Variants in CPD observed in about 807,000 individuals in gnomAD.
The protein encoded by CPD is metallocarboxypeptidase D.
A neutral mutation model predicts 138.3 loss-of-function variants in CPD; 69 were observed. The ratio of observed to expected loss-of-function variants is 0.50; its 90% CI spans 0.41 to 0.61. The LOEUF (loss-of-function observed/expected upper bound fraction) is 0.61. CPD is among the 20% of genes least tolerant of loss of function. CPD has a pLI of 0.00. For synonymous variants in CPD, 651 were observed against 642.1 expected, an observed-to-expected ratio of 1.01 and a Z score of -0.21; for missense variants, 1,432 against 1,733.3, an observed-to-expected ratio of 0.83 and a Z score of 3.09.
chr17:30,385,512 A>G (rs919548734), intron 2 of CPD, among the ~76,000 whole-genome samples: 1 of 141,936 alleles, frequency 7.0e-6, no homozygotes, highest in Admixed American at 6.9e-5. Flanking sequence ...ATGCACACAC[A>G]CACACACACA....
At chr17:30,448,312 A>G (rs181959897) in intron 12 of CPD, among the ~76,000 whole-genome samples, 1 of 152,208 alleles carries the variant, frequency 6.6e-6, no homozygotes, top group Admixed American at 6.5e-5. Flanking sequence ...ACGTTGAACT[A>G]TGATCACACC....
intron 2 of CPD, among the ~76,000 whole-genome samples, chr17:30,389,822 C>G (rs575105825): frequency 2.6e-5 from 4 of 152,150 alleles, no homozygotes; most frequent in Admixed American, 6.5e-5. Context: ...AGCTGAATGT[C>G]GGATATGTCC....
intron 13 of CPD, 98 bp from the exon 14 acceptor site, chr17:30,451,613 T>G: frequency 5.8e-6 from 6 of 1,039,146 alleles, no homozygotes; most frequent in Non-Finnish European, 8.4e-6. Context: ...TTAAATTAAC[T>G]ATGTGTAGAA....
intron 6 of CPD, among the ~76,000 whole-genome samples, chr17:30,425,517 G>T (rs185311185): frequency 6.6e-6 from 1 of 151,978 alleles, no homozygotes; most frequent in African/African-American, 2.4e-5. Context: ...TTAGCTGGAC[G>T]TGGTGGTGCA....
chr17:30,435,309 T>C (rs1478776304), intron 8 of CPD, among the ~76,000 whole-genome samples: 2 of 151,872 alleles, frequency 1.3e-5, no homozygotes, highest in African/African-American at 4.8e-5. Context: ...GACAGACATA[T>C]AGATCAATGA....
chr17:30,380,536 T>G, intron 1 of CPD: 10 of 1,459,466 alleles, frequency 6.9e-6, no homozygotes, highest in Non-Finnish European at 9.0e-6. Context: ...TAATACACAC[T>G]TTAAGTGTTA....
intron 6 of CPD, among the ~76,000 whole-genome samples, chr17:30,426,246 G>T (rs1912405423): frequency 1.3e-5 from 2 of 150,806 alleles, no homozygotes; most frequent in East Asian, 3.9e-4. Context: ...GGTTCTTCCT[G>T]CCTGCTGCAC....
Position 30,427,577 on chromosome 17 carries a change from C to T in CPD, c.2017+19C>T, listed in dbSNP as rs572168849. On this transcript the variant is annotated intron_variant, in intron 7 of 20. Coordinates refer to ENST00000225719, the MANE Select transcript of CPD (RefSeq NM_001304.5). ...CATGGAGGTATGGCAACTTTATATTCTACTAATCAGTTCTTGTTGAGAGCA... is the reference window on the plus strand; with the variant it reads ...CATGGAGGTATGGCAACTTTATATTTTACTAATCAGTTCTTGTTGAGAGCA... The T allele has an allele frequency of 1.2e-5, 20 of 1,607,158 alleles. No homozygotes were observed. The highest frequency in any genetic ancestry group is 1.7e-5 in the Non-Finnish European group (20 of 1,174,284).
intron 6 of CPD, among the ~76,000 whole-genome samples, chr17:30,425,896 GAT>G (rs1234135419): frequency 6.6e-6 from 1 of 152,100 alleles, no homozygotes; most frequent in East Asian, 1.9e-4. Flanking sequence ...ATGTGAAAAA[GAT>G]GTGTTTTAAC....
Position 30,388,469 on chromosome 17 carries a change from G to A in CPD, c.994+3233G>A, listed in dbSNP as rs189662067. On this transcript the variant is annotated intron_variant, in intron 2 of 20. Coordinates refer to ENST00000225719, the MANE Select transcript of CPD (RefSeq NM_001304.5). ...TCCATGCTTGTCAGTGCCCAGTCCG[G>A]TGGGGGCCCAGGCAACAGGGCCCAA... Among the ~76,000 whole-genome samples the A allele has an allele frequency of 1.5e-3, 231 of 152,338 alleles. 2 individuals are homozygous for A. The highest frequency in any genetic ancestry group is 2.5e-3 in the Admixed American group (39 of 15,310).
chr17:30,444,424 T>C (rs577562001), intron 11 of CPD, among the ~76,000 whole-genome samples: 6 of 151,428 alleles, frequency 4.0e-5, no homozygotes, highest in Non-Finnish European at 8.8e-5. Context: ...ACAAAGAACA[T>C]AGAAAATGCA....
rs764901447 is a variant in CPD at position 30,464,578 on chromosome 17, T to C, written c.3917-10T>C. Reference sequence around the variant, plus strand: ...ATAATATCACCCACATGATGGTTTTTGTTTGTCAGGTGCTACTATGTCGGC... The same window carrying C: ...ATAATATCACCCACATGATGGTTTTCGTTTGTCAGGTGCTACTATGTCGGC... On this transcript the variant is annotated splice_polypyrimidine_tract_variant and intron_variant, in intron 20 of 20. Coordinates refer to ENST00000225719, the MANE Select transcript of CPD (RefSeq NM_001304.5). The C allele has an allele frequency of 3.1e-6, 5 of 1,611,208 alleles. No homozygotes were observed. In the South Asian group the frequency reaches 4.4e-5, roughly 14 times the overall value.
intron 1 of CPD, chr17:30,380,140 T>A (rs1911002127): frequency 5.7e-6 from 1 of 175,826 alleles, no homozygotes; most frequent in Middle Eastern, 2.3e-3. Context: ...GACTGCAGTA[T>A]CTCACTTTAT....
intron 14 of CPD, chr17:30,454,921 CA>C (rs1234910440): frequency 6.4e-6 from 1 of 156,458 alleles, no homozygotes; most frequent in Admixed American, 6.4e-5. Flanking sequence ...CCCCATGATT[CA>C]GTCACCTCCC....
chr17:30,392,070 C>T (rs906337466), intron 2 of CPD, among the ~76,000 whole-genome samples: 3 of 145,854 alleles, frequency 2.1e-5, no homozygotes, highest in Admixed American at 7.1e-5. Flanking sequence ...AGTGAAGTGG[C>T]GCAATCTCGG....
At chr17:30,448,737 T>G (rs1221224708) in intron 12 of CPD, among the ~76,000 whole-genome samples, 1 of 152,192 alleles carries the variant, frequency 6.6e-6, no homozygotes, top group Non-Finnish European at 1.5e-5. Flanking sequence ...CCACTCAAAT[T>G]ACTTTTACTG....
chr17:30,435,167 A>G (rs954387499), intron 8 of CPD, among the ~76,000 whole-genome samples: 1 of 152,120 alleles, frequency 6.6e-6, no homozygotes, highest in African/African-American at 2.4e-5. Flanking sequence ...AGGACTCAGG[A>G]AAAAAATGGA....
intron 2 of CPD, among the ~76,000 whole-genome samples, chr17:30,387,982 G>T (rs1226760777): frequency 1.3e-5 from 2 of 152,178 alleles, no homozygotes; most frequent in East Asian, 1.9e-4. Flanking sequence ...CTGTAGGCAG[G>T]TCACCCAGTC....
intron 8 of CPD, 58 bp from the exon 9 acceptor site, chr17:30,438,917 A>AT (rs139485558): frequency 0.097 from 99,136 of 1,017,626 alleles, 3,167 homozygotes; most frequent in Non-Finnish European, 0.11. Flanking sequence ...TCTTTCCAGT[A>AT]TTTTTTTTTG....
Sources: allele counts gnomAD v4.1 joint callset (sites outside exome capture counted in the v4.1 genomes callset), GRCh38; gene constraint gnomAD v4.1.1; transcripts MANE v1.5; gene names NCBI Gene and HGNC (gene_info 2026-07-23, HGNC 2026-07-21).